The following TBL1X variants were observed in gnomAD, a reference collection of about 807,000 sequenced individuals.
TBL1X encodes the protein F-box-like/WD repeat-containing protein TBL1X.
Under a neutral mutation model 50.7 loss-of-function variants are expected in TBL1X, and 10 were observed. The observed-to-expected ratio is 0.20, with a 90% CI of 0.12 to 0.33. TBL1X has a LOEUF of 0.33. Among genes scored for constraint, TBL1X ranks in the 10% least tolerant of loss-of-function variants. The probability of loss-of-function intolerance (pLI) is 1.00; values close to 1 mark genes in which losing one functional copy is unlikely to be tolerated. For synonymous variants in TBL1X, 190 were observed against 214.7 expected (o/e 0.88, Z 1.01); for missense variants, 340 against 504.4 (o/e 0.67, Z 3.12).
rs1217795199 is a variant in TBL1X at position 9,711,850 on chromosome X, C to T, written c.1605+74C>T. On this transcript the variant is annotated intron_variant, in intron 16 of 17. Coordinates refer to ENST00000645353, the MANE Select transcript of TBL1X (RefSeq NM_005647.4). ...ATAGCCACGACTCCAGTGCCCTTGG[C>T]TCAGAGCAGTGCCCCGGAGGGAGTT... The T allele has an allele frequency of 5.6e-6, 6 of 1,075,018 alleles. No individual in the cohort carries two copies. The Admixed American group carries it at 8.5e-5, about 15-fold the overall frequency. The allele number at this position is 1,075,018 out of a possible 1,213,427, so 88.6% of individuals were successfully genotyped here. A position where few individuals can be genotyped will look rare whatever the true frequency, so the allele number is the denominator to read the frequency against.
At chrX:9,650,284 A>G (rs1490471271) in intron 3 of TBL1X, among the ~76,000 whole-genome samples, 2 of 112,800 alleles carry the variant, frequency 1.8e-5, no homozygotes, top group African/African-American at 6.4e-5. Context: ...CACCACTGCA[A>G]GGAGGTTGGG....
intron 2 of TBL1X, among the ~76,000 whole-genome samples, chrX:9,629,622 A>G (rs903093853): frequency 1.8e-5 from 2 of 112,079 alleles, no homozygotes; most frequent in Non-Finnish European, 3.8e-5. Context: ...ACCAGAGTGT[A>G]TTTATTAAAA....
chrX:9,621,236 G>A (rs1192471031), intron 2 of TBL1X, among the ~76,000 whole-genome samples: 1 of 111,736 alleles, frequency 8.9e-6, no homozygotes, highest in African/African-American at 3.3e-5. Flanking sequence ...GACTAGATTC[G>A]TTCACTGGAG....
At chrX:9,588,168 G>T (rs1023905024) in intron 2 of TBL1X, among the ~76,000 whole-genome samples, 4 of 111,918 alleles carry the variant, frequency 3.6e-5, no homozygotes, top group Non-Finnish European at 5.6e-5. Flanking sequence ...CATTGTATTG[G>T]GTATGATACA....
intron 17 of TBL1X, 99 bp downstream of exon 17, chrX:9,715,102 C>T: frequency 1.2e-6 from 1 of 833,455 alleles, no homozygotes; most frequent in Non-Finnish European, 1.7e-6. Context: ...TCCTGAAGGG[C>T]CTAGCCCAGT....
intron 2 of TBL1X, among the ~76,000 whole-genome samples, chrX:9,554,741 C>G (rs1405311319): frequency 2.7e-5 from 3 of 112,049 alleles, no homozygotes; most frequent in Non-Finnish European, 5.6e-5. Flanking sequence ...TAAAAAACAG[C>G]TTTACTGAGA....
At chrX:9,523,071 A>G (rs746806648) in intron 2 of TBL1X, among the ~76,000 whole-genome samples, 1 of 111,657 alleles carries the variant, frequency 9.0e-6, no homozygotes, top group Non-Finnish European at 1.9e-5. Flanking sequence ...CAGACTCTCC[A>G]CTTGTCTTTA....
intron 5 of TBL1X, among the ~76,000 whole-genome samples, chrX:9,659,072 C>CA (rs776769201): frequency 5.2e-4 from 58 of 111,526 alleles, no homozygotes; most frequent in African/African-American, 1.8e-3. Flanking sequence ...AGATCCTCCC[C>CA]CCCGGCCTCA....
intron 15 of TBL1X, among the ~76,000 whole-genome samples, chrX:9,710,396 A>C (rs775292570): frequency 2.7e-5 from 3 of 111,004 alleles, no homozygotes; most frequent in Non-Finnish European, 5.7e-5. Context: ...GAACCAAAAA[A>C]ACAAAGAACA....
At chrX:9,646,423 C>T (rs1467984480) in intron 3 of TBL1X, among the ~76,000 whole-genome samples, 2 of 112,590 alleles carry the variant, frequency 1.8e-5, no homozygotes, top group Non-Finnish European at 1.9e-5. Context: ...ATTTAAAATT[C>T]TGTCTTAAGC....
intron 2 of TBL1X, among the ~76,000 whole-genome samples, chrX:9,538,640 C>G (rs1352523270): frequency 2.7e-5 from 3 of 112,398 alleles, no homozygotes; most frequent in Non-Finnish European, 3.8e-5. Flanking sequence ...GCTATCCCAT[C>G]TCTTGCTCAA....
intron 1 of TBL1X, among the ~76,000 whole-genome samples, chrX:9,477,636 G>T (rs754732188): frequency 4.5e-5 from 5 of 112,155 alleles, no homozygotes; most frequent in Non-Finnish European, 7.5e-5. Flanking sequence ...TCTTGAGTCT[G>T]ACTTAAAATT....
Position 9,514,334 on chromosome X carries a change from G to GTT in TBL1X, c.-131+12494_-131+12495dup, listed in dbSNP as rs57690828. On this transcript the variant is annotated intron_variant, in intron 2 of 17. Coordinates refer to ENST00000645353, the MANE Select transcript of TBL1X (RefSeq NM_005647.4). ...AAAAACCCCACATGACACTGTGAGT[G>GTT]TTTTTTTTTTAATTTGCAGGAGATT... 7.1e-3 allele frequency among the ~76,000 whole-genome samples: 746 copies of GTT among 105,269 alleles called. 3 individuals carry two copies. The highest frequency in any genetic ancestry group is 9.8e-3 in the African/African-American group (285 of 28,981). 91.4% of individuals were successfully genotyped at this position (105,269 alleles called of 115,157 possible). A position where few individuals can be genotyped will look rare whatever the true frequency, so the allele number is the denominator to read the frequency against.
At chrX:9,521,617 T>C (rs1473264776) in intron 2 of TBL1X, among the ~76,000 whole-genome samples, 3 of 112,151 alleles carry the variant, frequency 2.7e-5, no homozygotes, top group Non-Finnish European at 1.9e-5. Flanking sequence ...AATCCTGTAG[T>C]CCTCTCAGCA....
At chrX:9,662,419 G>A (rs2082904007) in intron 5 of TBL1X, among the ~76,000 whole-genome samples, 1 of 111,880 alleles carries the variant, frequency 8.9e-6, no homozygotes, top group Non-Finnish European at 1.9e-5. Flanking sequence ...GCTCCAGCAC[G>A]GATGACACTT....
intron 2 of TBL1X, among the ~76,000 whole-genome samples, chrX:9,626,405 C>T (rs17321022): frequency 2.7e-5 from 3 of 111,464 alleles, no homozygotes; most frequent in Non-Finnish European, 5.7e-5. Flanking sequence ...ATAGTAGACA[C>T]GGAAGTCTTT....
At chrX:9,692,336 A>G (rs903277655) in intron 9 of TBL1X, 82 bp downstream of exon 9, 2 of 1,097,287 alleles carry the variant, frequency 1.8e-6, no homozygotes, top group Non-Finnish European at 2.4e-6. Context: ...AATGGAGCCC[A>G]TGCAGACATA....
chrX:9,655,864 T>G (rs1462750146), intron 5 of TBL1X, among the ~76,000 whole-genome samples: 2 of 112,081 alleles, frequency 1.8e-5, no homozygotes, highest in East Asian at 5.6e-4. Context: ...GAGTGAGGCC[T>G]GTTCATTTGA....
chrX:9,716,308 G>T lies in TBL1X; in HGVS notation c.*62G>T. 1 of 1,124,353 alleles carries T rather than the reference G, an allele frequency of 8.9e-7. No individual in the cohort carries two copies. Among genetic ancestry groups the T allele is most frequent in the South Asian group, 1.9e-5 (1 of 52,358 alleles). 92.7% of individuals were successfully genotyped at this position (1,124,353 alleles called of 1,213,427 possible). A position where few individuals can be genotyped will look rare whatever the true frequency, so the allele number is the denominator to read the frequency against. ...TGACCAGCCGTGAATGTGTAGGGTTGCAGCTCTATTCTCCAAAACTGTAGG... is the reference window on the plus strand; with the variant it reads ...TGACCAGCCGTGAATGTGTAGGGTTTCAGCTCTATTCTCCAAAACTGTAGG... On this transcript the variant is annotated 3_prime_UTR_variant, in exon 18 of 18. Transcript: ENST00000645353.
Sources: gnomAD v4.1 joint callset for allele counts (sites outside exome capture counted in the v4.1 genomes callset) on GRCh38, gnomAD v4.1.1 for gene constraint, MANE v1.5 for transcripts, NCBI Gene and HGNC (gene_info 2026-07-23, HGNC 2026-07-21) for gene names.